The following PALS2 variants were observed in gnomAD, a reference collection of about 807,000 sequenced individuals.
The protein encoded by PALS2 is protein associated with LIN7 2, MAGUK p55 family member.
In PALS2, 27 loss-of-function variants were observed where a neutral mutation model predicts 61.6. That is an observed-to-expected ratio of 0.44 (90% CI 0.32 to 0.60). PALS2 has a LOEUF of 0.60. Among genes scored for constraint, PALS2 ranks in the 20% least tolerant of loss-of-function variants. PALS2 has a pLI of 0.05. For missense variants in PALS2, 554 were observed against 639.4 expected (o/e 0.87, Z 1.44); for synonymous variants, 236 against 218.6 (o/e 1.08, Z -0.70).
At chr7:24,633,481 G>T (rs1239373307) in intron 2 of PALS2, among the ~76,000 whole-genome samples, 3 of 108,608 alleles carry the variant, frequency 2.8e-5, no homozygotes, top group Admixed American at 1.2e-4. Context: ...CCCCCACCCC[G>T]ATGTTTCAGT....
At chr7:24,686,629 G>C (rs1048527423) in intron 11 of PALS2, among the ~76,000 whole-genome samples, 1 of 152,056 alleles carries the variant, frequency 6.6e-6, no homozygotes, top group Non-Finnish European at 1.5e-5. Flanking sequence ...ATCACAACTT[G>C]GTATTTCTTA....
intron 5 of PALS2, among the ~76,000 whole-genome samples, chr7:24,661,524 A>AC (rs953756362): frequency 1.3e-4 from 20 of 152,170 alleles, no homozygotes; most frequent in Non-Finnish European, 2.5e-4. Flanking sequence ...AATGGTAATC[A>AC]CATTCATGGT....
intron 1 of PALS2, among the ~76,000 whole-genome samples, chr7:24,578,844 C>T (rs528557488): frequency 2.0e-5 from 3 of 152,268 alleles, no homozygotes; most frequent in African/African-American, 7.2e-5. Context: ...ACTCGTCTCT[C>T]CTCTTTTTAA....
intron 1 of PALS2, among the ~76,000 whole-genome samples, chr7:24,590,567 A>G (rs551499676): frequency 7.2e-5 from 11 of 152,232 alleles, no homozygotes; most frequent in African/African-American, 1.9e-4. Context: ...ATGGAGTCCA[A>G]TCTGAGACAG....
chr7:24,647,415 C>T (rs1159205411), intron 3 of PALS2, among the ~76,000 whole-genome samples: 2 of 152,174 alleles, frequency 1.3e-5, no homozygotes, highest in Non-Finnish European at 2.9e-5. Flanking sequence ...TCCCAAAGTG[C>T]TGGGATTACA....
At chr7:24,637,961 TAA>T (rs1309371909) in intron 2 of PALS2, among the ~76,000 whole-genome samples, 2 of 152,138 alleles carry the variant, frequency 1.3e-5, no homozygotes, top group Non-Finnish European at 2.9e-5. Flanking sequence ...CTCTTTAATT[TAA>T]AAAAAGAAAA....
chr7:24,598,646 T>C (rs1783607680), intron 1 of PALS2, among the ~76,000 whole-genome samples: 1 of 152,212 alleles, frequency 6.6e-6, no homozygotes, highest in Non-Finnish European at 1.5e-5. Context: ...AGTTAGGACC[T>C]CTTTGGAATT....
At chr7:24,612,413 G>GT (rs1562613897) in intron 1 of PALS2, among the ~76,000 whole-genome samples, 1 of 151,692 alleles carries the variant, frequency 6.6e-6, no homozygotes. Flanking sequence ...CTAGTTTTAC[G>GT]TACTTTCTTT....
intron 1 of PALS2, among the ~76,000 whole-genome samples, chr7:24,577,839 C>A (rs866055392): frequency 6.6e-6 from 1 of 152,172 alleles, no homozygotes. Flanking sequence ...TTAAAAATTT[C>A]TTCAAACCAT....
rs1351637177 is a variant in PALS2 at position 24,623,789 on chromosome 7, A to G, written c.117+5A>G. On this transcript the variant is annotated splice_donor_5th_base_variant and intron_variant, in intron 2 of 11. Transcript: ENST00000222644. ...ATTGTAAAATCACTTGCTAAGGTAT[A>G]TAGATTTATTCATAAGATTACTGAA... 13 of 1,497,714 alleles carry G rather than the reference A, an allele frequency of 8.7e-6. No homozygotes were observed. Among genetic ancestry groups the G allele is most frequent in the Non-Finnish European group, 1.2e-5 (13 of 1,094,252 alleles). The allele number at this position is 1,497,714 out of a possible 1,614,324, so 92.8% of individuals were successfully genotyped here.
chr7:24,596,923 ATTACTTTGAGACTT>A lies in PALS2; in HGVS notation c.-3+23334_-3+23347del, dbSNP rs1783545813. Reference sequence around the variant, plus strand: ...TTTTTAGAGTGGAATTGTGGTGAAGATTACTTTGAGACTTTTATGAAGTAGAATGAAAAGATTTG... The same window carrying A: ...TTTTTAGAGTGGAATTGTGGTGAAGATTATGAAGTAGAATGAAAAGATTTG... On this transcript the variant is annotated intron_variant, in intron 1 of 11. Coordinates refer to ENST00000222644, the MANE Select transcript of PALS2 (RefSeq NM_001303037.2). The surrounding 1 kb of genome is among the most constrained non-coding windows in gnomAD (Gnocchi z 4.5). Among the ~76,000 whole-genome samples, 1 of 152,178 alleles carries A rather than the reference ATTACTTTGAGACTT, an allele frequency of 6.6e-6. No individual in the cohort carries two copies. Among genetic ancestry groups the A allele is most frequent in the Admixed American group, 6.6e-5 (1 of 15,254 alleles).
chr7:24,635,112 C>CT (rs1432161472), intron 2 of PALS2, among the ~76,000 whole-genome samples: 4 of 152,164 alleles, frequency 2.6e-5, no homozygotes, highest in Non-Finnish European at 5.9e-5. Flanking sequence ...AAACATGTCA[C>CT]TTAGGATTCC....
Position 24,576,228 on chromosome 7 carries a change from A to G in PALS2, c.-3+2635A>G, listed in dbSNP as rs149926346. Reference sequence around the variant, plus strand: ...GAGATCTCTTTCCTGATATGGTGCTAGTATTGAATTAAAGATTTTATTTTT... The same window carrying G: ...GAGATCTCTTTCCTGATATGGTGCTGGTATTGAATTAAAGATTTTATTTTT... On this transcript the variant is annotated intron_variant, in intron 1 of 11. Transcript: ENST00000222644. Among the ~76,000 whole-genome samples the G allele has an allele frequency of 5.6e-3, 849 of 152,386 alleles. 3 individuals are homozygous for G. Among genetic ancestry groups the G allele is most frequent in the Middle Eastern group, 0.037 (11 of 294 alleles).
At chr7:24,634,108 A>G (rs140633384) in intron 2 of PALS2, among the ~76,000 whole-genome samples, 1 of 152,138 alleles carries the variant, frequency 6.6e-6, no homozygotes, top group African/African-American at 2.4e-5. Flanking sequence ...AGAGTCTTTC[A>G]TGTATTCTGG....
intron 1 of PALS2, among the ~76,000 whole-genome samples, chr7:24,601,691 G>A (rs1243929129): frequency 6.6e-6 from 1 of 151,936 alleles, no homozygotes; most frequent in Non-Finnish European, 1.5e-5. Flanking sequence ...GAAACCTTAT[G>A]AGCAAGTCTG....
chr7:24,628,988 T>G (rs1039999328), intron 2 of PALS2, among the ~76,000 whole-genome samples: 1 of 152,122 alleles, frequency 6.6e-6, no homozygotes, highest in African/African-American at 2.4e-5. Flanking sequence ...TAGAAAAAAC[T>G]ACTTTAAATT....
At chr7:24,658,566 T>C (rs1786543748) in intron 5 of PALS2, among the ~76,000 whole-genome samples, 1 of 151,656 alleles carries the variant, frequency 6.6e-6, no homozygotes, top group African/African-American at 2.4e-5. Flanking sequence ...CCAACTTTTT[T>C]TTTTTTTTTG....
At chr7:24,611,202 C>A (rs1784097575) in intron 1 of PALS2, among the ~76,000 whole-genome samples, 1 of 151,962 alleles carries the variant, frequency 6.6e-6, no homozygotes, top group Non-Finnish European at 1.5e-5. Context: ...ATTACATTTC[C>A]TTAACATAAT....
rs1783546116 is a variant in PALS2 at position 24,596,933 on chromosome 7, G to T, written c.-3+23340G>T. Among the ~76,000 whole-genome samples the T allele has an allele frequency of 6.6e-6, 1 of 152,110 alleles. No individual in the cohort carries two copies. Among genetic ancestry groups the T allele is most frequent in the South Asian group, 2.1e-4 (1 of 4,822 alleles). ...GGAATTGTGGTGAAGATTACTTTGA[G>T]ACTTTTATGAAGTAGAATGAAAAGA... On this transcript the variant is annotated intron_variant, in intron 1 of 11. Transcript: ENST00000222644. The surrounding 1 kb of genome is among the most constrained non-coding windows in gnomAD (Gnocchi z 4.5).
Sources: allele counts gnomAD v4.1 joint callset (sites outside exome capture counted in the v4.1 genomes callset), GRCh38; gene constraint gnomAD v4.1.1; non-coding constraint Gnocchi (gnomAD v3.1); transcripts MANE v1.5; gene names NCBI Gene and HGNC (gene_info 2026-07-23, HGNC 2026-07-21).